DLGAP4: variants seen among roughly 807,000 people sequenced by gnomAD.
The protein encoded by DLGAP4 is DLG associated protein 4, also known as disks large-associated protein 4.
In DLGAP4, 18 loss-of-function variants were observed where a neutral mutation model predicts 86.9. The observed-to-expected ratio is 0.21, with a 90% CI of 0.14 to 0.31. The LOEUF is 0.31. Among genes scored for constraint, DLGAP4 ranks in the 10% least tolerant of loss-of-function variants. The probability of loss-of-function intolerance (pLI) is 1.00; values close to 1 mark genes in which losing one functional copy is unlikely to be tolerated. For missense variants in DLGAP4, 1,085 were observed against 1,362.6 expected (o/e 0.80, Z 3.21); for synonymous variants, 548 against 574.3 (o/e 0.95, Z 0.65).
chr20:36,316,439 C>T (rs1289108564), intron 1 of DLGAP4, among the ~76,000 whole-genome samples: 7 of 152,168 alleles, frequency 4.6e-5, no homozygotes, highest in Admixed American at 4.6e-4. Flanking sequence ...GGAAATCCTT[C>T]CCCACAGTCT....
chr20:36,497,031 G>A lies in DLGAP4; in HGVS notation c.1975G>A (p.Ala659Thr), dbSNP rs533981025. ...CAGCTCTGAGTCCCACCCCGAGGCCGCCCCCAAAAGGAAACTGTCATCGAT... is the reference window on the plus strand; with the variant it reads ...CAGCTCTGAGTCCCACCCCGAGGCCACCCCCAAAAGGAAACTGTCATCGAT... ...LTSSESHPEA[A>T]PKRKLSSIGI... is the part of the protein sequence containing the mutation. Residue 659 changes from alanine (A) to threonine (T), a missense_variant, in exon 8 of 13, where the codon GCC becomes ACC. This residue lies in a region of DLGAP4 where 1,082 missense variants were observed against 1,344.1 expected (regional missense o/e 0.81). Coordinates refer to ENST00000339266, the MANE Select transcript of DLGAP4 (RefSeq NM_001365621.2). The A allele has an allele frequency of 5.2e-5, 83 of 1,608,926 alleles. No individual in the cohort carries two copies. Among genetic ancestry groups the A allele is most frequent in the Non-Finnish European group, 6.2e-5 (73 of 1,176,696 alleles).
chr20:36,373,018 A>AAT (rs2031005259), intron 2 of DLGAP4, among the ~76,000 whole-genome samples: 1 of 152,168 alleles, frequency 6.6e-6, no homozygotes, highest in Non-Finnish European at 1.5e-5. Context: ...TGTTATGAAA[A>AAT]ATATATATAA....
chr20:36,418,446 A>G (rs1005397865), intron 2 of DLGAP4, among the ~76,000 whole-genome samples: 2 of 152,148 alleles, frequency 1.3e-5, no homozygotes, highest in Admixed American at 1.3e-4. Flanking sequence ...CCTTGGTTCC[A>G]TCTCTGTAGT....
intron 2 of DLGAP4, among the ~76,000 whole-genome samples, chr20:36,382,107 A>G (rs974954344): frequency 2.6e-5 from 4 of 152,144 alleles, no homozygotes; most frequent in East Asian, 3.9e-4. Flanking sequence ...GATTGCAATT[A>G]TGGGAGATCT....
intron 2 of DLGAP4, among the ~76,000 whole-genome samples, chr20:36,406,189 G>A (rs1352814101): frequency 6.6e-6 from 1 of 152,102 alleles, no homozygotes; most frequent in Non-Finnish European, 1.5e-5. Context: ...ACGAGGTCAG[G>A]AGATCAAGAC....
chr20:36,525,350 T>TG (rs2037682035), intron 11 of DLGAP4, among the ~76,000 whole-genome samples: 1 of 150,766 alleles, frequency 6.6e-6, no homozygotes, highest in Non-Finnish European at 1.5e-5. Context: ...AGCAAAGTCC[T>TG]GGGCTGTTCT....
At chr20:36,525,729 T>TAGGCCTCAAG in intron 11 of DLGAP4, 122 bp from the exon 12 acceptor site, 1 of 1,317,058 alleles carries the variant, frequency 7.6e-7, no homozygotes, top group African/African-American at 1.5e-5. Flanking sequence ...ACCCAGACAC[T>TAGGCCTCAAG]AGGCCTCAAG....
At chr20:36,312,345 G>GCA (rs1481737983) in intron 1 of DLGAP4, among the ~76,000 whole-genome samples, 13 of 151,594 alleles carry the variant, frequency 8.6e-5, no homozygotes, top group African/African-American at 2.4e-4. Context: ...ACATGCACAC[G>GCA]CACACACACA....
intron 10 of DLGAP4, among the ~76,000 whole-genome samples, chr20:36,503,479 CTTTTTTT>C (rs982287997): frequency 1.8e-5 from 2 of 109,906 alleles, no homozygotes; most frequent in East Asian, 2.4e-4. Flanking sequence ...CATATATGGC[CTTTTTTT>C]TTTTTTTTTT....
At chr20:36,339,563 T>C (rs1448116392) in intron 1 of DLGAP4, among the ~76,000 whole-genome samples, 1 of 152,030 alleles carries the variant, frequency 6.6e-6, no homozygotes, top group Non-Finnish European at 1.5e-5. Context: ...TTTAAAAAAA[T>C]TTTGTAGAGA....
At chr20:36,494,984 G>GTTTTTTTTTTTTTTTTTTTTTT (rs752411826) in intron 7 of DLGAP4, among the ~76,000 whole-genome samples, 2 of 75,390 alleles carry the variant, frequency 2.7e-5, no homozygotes, top group South Asian at 5.3e-4. Context: ...TTTTTGTTCG[G>GTTTTTTTTTTTTTTTTTTTTTT]TTTTTTTTTT....
chr20:36,337,270 C>G (rs912763040), intron 1 of DLGAP4, among the ~76,000 whole-genome samples: 16 of 150,738 alleles, frequency 1.1e-4, no homozygotes, highest in Admixed American at 7.3e-4. Flanking sequence ...TTAGGGGTTA[C>G]TGCTCATTCG....
At chr20:36,374,777 A>T (rs550403204) in intron 2 of DLGAP4, among the ~76,000 whole-genome samples, 4 of 152,200 alleles carry the variant, frequency 2.6e-5, no homozygotes, top group African/African-American at 9.6e-5. Flanking sequence ...TGGGGAGCTC[A>T]CTCTCCATTT....
intron 8 of DLGAP4, chr20:36,498,155 A>G (rs2035967757): frequency 6.6e-6 from 1 of 152,290 alleles, no homozygotes; most frequent in African/African-American, 2.4e-5. Flanking sequence ...TGGAGCTTGA[A>G]TGGAACAGAG....
chr20:36,496,572 A>G lies in DLGAP4; in HGVS notation c.1649-133A>G. The G allele has an allele frequency of 1.4e-6, 2 of 1,401,324 alleles. 1 individual carries two copies. Among genetic ancestry groups the G allele is most frequent in the South Asian group, 2.9e-5 (2 of 67,964 alleles). The allele number at this position is 1,401,324 out of a possible 1,614,324, so 86.8% of individuals were successfully genotyped here. On this transcript the variant is annotated intron_variant, in intron 7 of 12. Transcript: ENST00000339266. ...GACCCTCGTTCTCCCTGCTCCAGAA[A>G]TCCTTGCGGACGGAATGGCTAAGCC...
chr20:36,490,690 GC>G (rs2035623393), intron 7 of DLGAP4, among the ~76,000 whole-genome samples: 1 of 152,008 alleles, frequency 6.6e-6, no homozygotes, highest in African/African-American at 2.4e-5. Context: ...AGTGTAGACC[GC>G]CTCTCCTTTG....
chr20:36,384,061 T>G (rs2031505543), intron 2 of DLGAP4, among the ~76,000 whole-genome samples: 1 of 116,898 alleles, frequency 8.6e-6, no homozygotes, highest in Non-Finnish European at 1.8e-5. Flanking sequence ...GTGGGGCAAG[T>G]AACTAGCTAG....
At chr20:36,519,077 A>G (rs2037211336) in intron 10 of DLGAP4, among the ~76,000 whole-genome samples, 1 of 151,702 alleles carries the variant, frequency 6.6e-6, no homozygotes, top group South Asian at 2.1e-4. Context: ...AGATCGTACC[A>G]CTGCACACCA....
rs551602155 is a variant in DLGAP4 at position 36,399,246 on chromosome 20, A to G, written c.-73+31971A>G. Among the ~76,000 whole-genome samples the G allele has an allele frequency of 3.3e-5, 5 of 152,218 alleles. No individual in the cohort carries two copies. In the East Asian group the frequency reaches 7.7e-4, roughly 23 times the overall value. On this transcript the variant is annotated intron_variant, in intron 2 of 12. Coordinates refer to ENST00000339266, the MANE Select transcript of DLGAP4 (RefSeq NM_001365621.2). ...AAGAAAACAAAAACAAAAACATAAA[A>G]AGCACAGGCTGGACAAGATGAGGGC...
Sources: gnomAD v4.1 joint callset for allele counts (sites outside exome capture counted in the v4.1 genomes callset) on GRCh38, gnomAD v4.1.1 for gene constraint, gnomAD v4.1.1 regional missense constraint, MANE v1.5 for transcripts, NCBI Gene and HGNC (gene_info 2026-07-23, HGNC 2026-07-21) for gene names.